The following SEMA6D variants were observed in gnomAD, a reference collection of about 807,000 sequenced individuals.
SEMA6D encodes semaphorin-6D.
A neutral mutation model predicts 106.6 loss-of-function variants in SEMA6D; 35 were observed. The ratio of observed to expected loss-of-function variants is 0.33; its 90% CI spans 0.25 to 0.44. The LOEUF (loss-of-function observed/expected upper bound fraction) is 0.44. SEMA6D is among the 20% of genes least tolerant of loss of function. The pLI, the probability that SEMA6D is intolerant of heterozygous loss-of-function variation, is 1.00. For missense variants in SEMA6D, 1,185 were observed against 1,345.9 expected (o/e 0.88, Z 1.87); for synonymous variants, 499 against 487.7 (o/e 1.02, Z -0.31).
At chr15:47,667,713 C>A (rs1273012622) in intron 4 of SEMA6D, among the ~76,000 whole-genome samples, 1 of 152,176 alleles carries the variant, frequency 6.6e-6, no homozygotes, top group Non-Finnish European at 1.5e-5. Flanking sequence ...GCTTAGGGAG[C>A]TCACCAGTGT....
chr15:47,362,520 G>A (rs1374591715), intron 1 of SEMA6D, among the ~76,000 whole-genome samples: 1 of 152,062 alleles, frequency 6.6e-6, no homozygotes, highest in East Asian at 1.9e-4. Flanking sequence ...CATCTCACAC[G>A]GGCACTGATG....
intron 1 of SEMA6D, among the ~76,000 whole-genome samples, chr15:47,409,641 T>C (rs2040715246): frequency 6.6e-6 from 1 of 152,170 alleles, no homozygotes; most frequent in Non-Finnish European, 1.5e-5. Flanking sequence ...TAATTCAGCT[T>C]TTTTATTTCA....
chr15:47,398,081 A>G (rs1420970707), intron 1 of SEMA6D, among the ~76,000 whole-genome samples: 1 of 152,200 alleles, frequency 6.6e-6, no homozygotes, highest in Non-Finnish European at 1.5e-5. Context: ...TTTCTGCCTT[A>G]AGAAAGATCA....
chr15:47,432,647 A>C (rs1404952731), intron 2 of SEMA6D, among the ~76,000 whole-genome samples: 1 of 93,902 alleles, frequency 1.1e-5, no homozygotes, highest in African/African-American at 3.8e-5. Flanking sequence ...AAAAAAGAAA[A>C]AAAATGGCAA....
rs1283627437 is a variant in SEMA6D, at chr15:47,772,991, A to G, written c.*1206A>G. The G allele has an allele frequency of 2.0e-5, 3 of 152,606 alleles. No homozygotes were observed. The highest frequency in any genetic ancestry group is 2.9e-5 in the Non-Finnish European group (2 of 68,046). The allele number at this position is 152,606 out of a possible 1,614,324, so 9.5% of individuals were successfully genotyped here. On this transcript the variant is annotated 3_prime_UTR_variant, in exon 19 of 19. Coordinates refer to ENST00000536845, the MANE Select transcript of SEMA6D (RefSeq NM_001358351.3). The stretch of plus-strand genomic sequence containing the variant: ...GCAATCATGTTGTCTGTGTTGTGTT[A>G]TGTGAGAATTTTCTCCTAAGTCATG...
intron 4 of SEMA6D, chr15:47,605,332 A>T (rs916822151): frequency 3.3e-5 from 5 of 152,184 alleles, no homozygotes; most frequent in African/African-American, 9.7e-5. Flanking sequence ...ATGGCATCAG[A>T]TTTCTTCCAC....
intron 1 of SEMA6D, among the ~76,000 whole-genome samples, chr15:47,347,959 C>T (rs1387801698): frequency 6.6e-6 from 1 of 152,130 alleles, no homozygotes; most frequent in Non-Finnish European, 1.5e-5. Flanking sequence ...CATCTTGTTG[C>T]ATAAATGCTT....
At chr15:47,375,531 A>G (rs2039419813) in intron 1 of SEMA6D, among the ~76,000 whole-genome samples, 2 of 152,134 alleles carry the variant, frequency 1.3e-5, no homozygotes, top group Non-Finnish European at 2.9e-5. Flanking sequence ...TAATATTGAT[A>G]TGTATCTTGT....
intron 1 of SEMA6D, among the ~76,000 whole-genome samples, chr15:47,742,824 AC>A (rs1306938347): frequency 6.6e-6 from 1 of 151,900 alleles, no homozygotes; most frequent in Non-Finnish European, 1.5e-5. Context: ...CATACAAAGG[AC>A]CCCACACCCT....
At chr15:47,193,909 G>T (rs1280987553) in intron 1 of SEMA6D, among the ~76,000 whole-genome samples, 1 of 151,846 alleles carries the variant, frequency 6.6e-6, no homozygotes, top group Non-Finnish European at 1.5e-5. Context: ...CTTTTCTTTT[G>T]TTTGGTTAAC....
At chr15:47,338,902 A>G (rs1464834364) in intron 1 of SEMA6D, among the ~76,000 whole-genome samples, 2 of 152,170 alleles carry the variant, frequency 1.3e-5, no homozygotes, top group African/African-American at 2.4e-5. Flanking sequence ...TATCTCAGAG[A>G]CATTCCTGCA....
At chr15:47,425,526 C>T (rs1247645754) in intron 2 of SEMA6D, among the ~76,000 whole-genome samples, 1 of 151,974 alleles carries the variant, frequency 6.6e-6, no homozygotes, top group African/African-American at 2.4e-5. Context: ...TCAAGGACAC[C>T]CTCAAAAGGA....
chr15:47,572,549 C>T (rs2142921300), intron 3 of SEMA6D, among the ~76,000 whole-genome samples: 1 of 152,266 alleles, frequency 6.6e-6, no homozygotes, highest in Admixed American at 6.5e-5. Context: ...AATTACCTGC[C>T]ACCCTCTCTT....
intron 1 of SEMA6D, among the ~76,000 whole-genome samples, chr15:47,198,128 T>A (rs1894484366): frequency 6.6e-6 from 1 of 152,092 alleles, no homozygotes; most frequent in Non-Finnish European, 1.5e-5. Context: ...ACACGTGGAA[T>A]GTAAAAAATT....
chr15:47,758,765 A>C (rs1406188307), intron 1 of SEMA6D, among the ~76,000 whole-genome samples: 1 of 152,198 alleles, frequency 6.6e-6, no homozygotes, highest in Non-Finnish European at 1.5e-5. Context: ...AAGGACAAAA[A>C]TCCAGTCATT....
intron 4 of SEMA6D, among the ~76,000 whole-genome samples, chr15:47,632,541 C>G (rs1411129358): frequency 6.6e-6 from 1 of 152,006 alleles, no homozygotes; most frequent in Admixed American, 6.6e-5. Context: ...TCTCTAGTAA[C>G]ATTTGTTGTG....
intron 1 of SEMA6D, among the ~76,000 whole-genome samples, chr15:47,728,819 C>A (rs2079933888): frequency 6.6e-6 from 1 of 152,192 alleles, no homozygotes; most frequent in South Asian, 2.1e-4. Context: ...ACTGAGACTT[C>A]TTCCATAGTC....
intron 2 of SEMA6D, among the ~76,000 whole-genome samples, chr15:47,444,924 CGG>C (rs2041984761): frequency 6.6e-6 from 1 of 152,082 alleles, no homozygotes; most frequent in Non-Finnish European, 1.5e-5. Context: ...AGGTCACACA[CGG>C]ACTTGAAGGA....
chr15:47,570,164 T>G (rs2046343062), intron 3 of SEMA6D, among the ~76,000 whole-genome samples: 1 of 152,136 alleles, frequency 6.6e-6, no homozygotes, highest in Admixed American at 6.5e-5. Context: ...ATCAAAAAAT[T>G]TCGAAATCTG....
Sources: allele counts gnomAD v4.1 joint callset (sites outside exome capture counted in the v4.1 genomes callset), GRCh38; gene constraint gnomAD v4.1.1; transcripts MANE v1.5; gene names NCBI Gene and HGNC (gene_info 2026-07-23, HGNC 2026-07-21).